FLT1: variants seen among roughly 807,000 people sequenced by gnomAD.
FLT1 encodes the protein vascular endothelial growth factor receptor 1.
A neutral mutation model predicts 156.3 loss-of-function variants in FLT1; 49 were observed. That is an observed-to-expected ratio of 0.31 (90% confidence interval 0.25 to 0.40). FLT1 has a LOEUF of 0.40. Among genes scored for constraint, FLT1 ranks in the 10% least tolerant of loss-of-function variants. The probability of loss-of-function intolerance (pLI) is 1.00; values close to 1 mark genes in which losing one functional copy is unlikely to be tolerated. For missense variants in FLT1, 1,322 were observed against 1,637.2 expected, an observed-to-expected ratio of 0.81 and a Z score of 3.32; for synonymous variants, 594 against 583.8, an observed-to-expected ratio of 1.02 and a Z score of -0.25.
chr13:28,372,187 T>C (rs1029279161), intron 14 of FLT1, among the ~76,000 whole-genome samples: 6 of 146,348 alleles, frequency 4.1e-5, no homozygotes, highest in African/African-American at 1.5e-4. Flanking sequence ...GTTCAAGCAA[T>C]CCTCCTAGCT....
intron 1 of FLT1, among the ~76,000 whole-genome samples, chr13:28,489,857 A>C (rs144169201): frequency 6.6e-6 from 1 of 152,320 alleles, no homozygotes; most frequent in South Asian, 2.1e-4. Flanking sequence ...CTTCTCATCA[A>C]ATCTCTTGGC....
chr13:28,358,768 C>T (rs529343577), intron 14 of FLT1, among the ~76,000 whole-genome samples: 1 of 152,232 alleles, frequency 6.6e-6, no homozygotes, highest in African/African-American at 2.4e-5. Flanking sequence ...CACAAGCCAA[C>T]AAATAGAAAA....
intron 11 of FLT1, among the ~76,000 whole-genome samples, chr13:28,405,166 G>A (rs1226772299): frequency 3.9e-5 from 6 of 152,148 alleles, no homozygotes; most frequent in African/African-American, 1.2e-4. Flanking sequence ...AGGCTTGTTA[G>A]CTATTGCCAA....
intron 3 of FLT1, among the ~76,000 whole-genome samples, chr13:28,443,107 G>T (rs1878425145): frequency 6.6e-6 from 1 of 152,136 alleles, no homozygotes; most frequent in Admixed American, 6.6e-5. Context: ...ACTCAGCTAG[G>T]TGGAGGTCAC....
rs978166936 is a variant in FLT1, at chr13:28,382,479, T to C, written c.2116+2406A>G. Among the ~76,000 whole-genome samples the C allele has an allele frequency of 2.0e-5, 3 of 152,094 alleles. No individual in the cohort carries two copies. In the East Asian group the frequency reaches 5.8e-4, roughly 29 times the overall value. On this transcript the variant is annotated intron_variant, in intron 14 of 29. Transcript: ENST00000282397. ...CAGATTCTTGAACTTCATCGAAGTG[T>C]GTTAGGGTTGAAGAGTTGGAGCCGG...
intron 11 of FLT1, among the ~76,000 whole-genome samples, chr13:28,403,604 C>T (rs1300402613): frequency 6.6e-6 from 1 of 152,194 alleles, no homozygotes; most frequent in Non-Finnish European, 1.5e-5. Flanking sequence ...TAATATCCGG[C>T]AGTTAACAGT....
intron 23 of FLT1, among the ~76,000 whole-genome samples, chr13:28,320,773 C>A (rs774718390): frequency 6.6e-6 from 1 of 151,938 alleles, no homozygotes; most frequent in Non-Finnish European, 1.5e-5. Context: ...GCGTAACAAG[C>A]CTTCTAGGTG....
At chr13:28,372,566 G>GCATATATATATA (rs1279204338) in intron 14 of FLT1, among the ~76,000 whole-genome samples, 1,975 of 91,354 alleles carry the variant, frequency 0.022, 140 homozygotes, top group Non-Finnish European at 0.034. Context: ...TAAATAAAAT[G>GCATATATATATA]TATATATATA....
intron 3 of FLT1, among the ~76,000 whole-genome samples, chr13:28,458,577 A>G (rs779070787): frequency 6.6e-6 from 1 of 152,224 alleles, no homozygotes; most frequent in Non-Finnish European, 1.5e-5. Flanking sequence ...CCAAAGAGAG[A>G]AGATGCATTT....
chr13:28,479,517 A>C (rs1466443995), intron 1 of FLT1, among the ~76,000 whole-genome samples: 1 of 152,230 alleles, frequency 6.6e-6, no homozygotes, highest in African/African-American at 2.4e-5. Flanking sequence ...AAAAACTTAA[A>C]AAAATCTTAT....
intron 14 of FLT1, among the ~76,000 whole-genome samples, chr13:28,365,359 C>CT (rs1032993616): frequency 6.5e-4 from 94 of 145,000 alleles, no homozygotes; most frequent in East Asian, 9.9e-4. Flanking sequence ...GTAGAACTCC[C>CT]TTTTTTTTTT....
chr13:28,412,368 C>CTT (rs1218478620), intron 10 of FLT1, among the ~76,000 whole-genome samples: 1 of 72,872 alleles, frequency 1.4e-5, no homozygotes, highest in African/African-American at 3.7e-5. Flanking sequence ...TTCTTTCTTT[C>CTT]TTTCTTTCTT....
At position 28,467,554 on chromosome 13, in the gene FLT1, A is replaced by T. The variant is rs749507400; in HGVS notation, c.128T>A (p.Met43Lys). Reference sequence around the variant, plus strand: ...GAGATGCAGTGTCTGGCCTGCTTGCATGATGTGCTGGGTGCCTTTTAAACT... The same window carrying T: ...GAGATGCAGTGTCTGGCCTGCTTGCTTGATGTGCTGGGTGCCTTTTAAACT... ...ELSLKGTQHI[M>K]QAGQTLHLQC... The change falls in exon 2 of 30, where the codon ATG (methionine) becomes AAG (lysine). Residue 43 changes from methionine to lysine, a missense_variant. Transcript: ENST00000282397. The T allele has an allele frequency of 1.7e-5, 28 of 1,611,400 alleles. No individual in the cohort carries two copies. In the Middle Eastern group the frequency reaches 5.0e-4, roughly 29 times the overall value.
At chr13:28,352,444 C>T (rs1872760366) in intron 15 of FLT1, among the ~76,000 whole-genome samples, 1 of 152,208 alleles carries the variant, frequency 6.6e-6, no homozygotes, top group East Asian at 1.9e-4. Flanking sequence ...ATACCCAATG[C>T]AGTTTTATGC....
At chr13:28,434,007 A>G in intron 5 of FLT1, 51 bp downstream of exon 5, 2 of 1,613,792 alleles carry the variant, frequency 1.2e-6, no homozygotes, top group Admixed American at 1.7e-5. Context: ...TTACACAGAT[A>G]AAAATACAGA....
chr13:28,470,905 G>A (rs1383058670), intron 1 of FLT1, among the ~76,000 whole-genome samples: 1 of 152,082 alleles, frequency 6.6e-6, no homozygotes, highest in African/African-American at 2.4e-5. Flanking sequence ...TGGCCAGGTT[G>A]GTCTCAAACT....
chr13:28,400,957 G>A (rs891377553), intron 11 of FLT1, among the ~76,000 whole-genome samples: 18 of 152,194 alleles, frequency 1.2e-4, no homozygotes, highest in African/African-American at 3.6e-4. Flanking sequence ...CTGATGCGGC[G>A]GCTCAGGCCT....
intron 17 of FLT1, among the ~76,000 whole-genome samples, chr13:28,335,407 T>C (rs976758967): frequency 5.3e-5 from 8 of 152,124 alleles, no homozygotes. Flanking sequence ...CTCCCTTCCT[T>C]CCTCATTACT....
intron 1 of FLT1, among the ~76,000 whole-genome samples, chr13:28,474,183 T>G (rs1880409506): frequency 6.6e-6 from 1 of 152,104 alleles, no homozygotes; most frequent in South Asian, 2.1e-4. Flanking sequence ...AGGCCGGGCA[T>G]GGTGGCTTAT....
Sources: gnomAD v4.1 joint callset for allele counts (sites outside exome capture counted in the v4.1 genomes callset) on GRCh38, gnomAD v4.1.1 for gene constraint, MANE v1.5 for transcripts, NCBI Gene and HGNC (gene_info 2026-07-23, HGNC 2026-07-21) for gene names.